Variants in ZNF461 observed in about 807,000 individuals in gnomAD.
The protein encoded by ZNF461 is zinc finger protein 461.
In ZNF461, 16 loss-of-function variants were observed where a neutral mutation model predicts 18.3. The observed-to-expected ratio is 0.88, with a 90% CI of 0.59 to 1.33. The LOEUF (loss-of-function observed/expected upper bound fraction) is 1.33. ZNF461 is among the 40% of genes most tolerant of loss of function. The pLI is 0.00. For missense variants in ZNF461, 595 were observed against 669.9 expected, an observed-to-expected ratio of 0.89 and a Z score of 1.23; for synonymous variants, 179 against 216.9, an observed-to-expected ratio of 0.83 and a Z score of 1.54.
At chr19:36,653,984 C>A (rs2037672666) in intron 4 of ZNF461, among the ~76,000 whole-genome samples, 1 of 152,026 alleles carries the variant, frequency 6.6e-6, no homozygotes. Flanking sequence ...CTGGTGAAAT[C>A]TGAGTAAGTT....
At position 36,636,715 on chromosome 19, in the gene ZNF461, A is replaced by T. The variant is rs2037298380; in HGVS notation, c.*1938T>A. 1.3e-5 allele frequency among the ~76,000 whole-genome samples: 2 copies of T among 152,226 alleles called. No individual in the cohort carries two copies. The highest frequency in any genetic ancestry group is 2.9e-5 in the Non-Finnish European group (2 of 68,044). ...TCCACACTATTTATTGAGTACAATC[A>T]CTTAGATCTAAGAAGCAGATGTTCA... On this transcript the variant is annotated 3_prime_UTR_variant, in exon 6 of 6. Coordinates refer to ENST00000588268, the MANE Select transcript of ZNF461 (RefSeq NM_153257.5).
rs1444939069 is a variant in ZNF461, at chr19:36,641,898, T to C, written c.302-1855A>G. 4.6e-5 allele frequency among the ~76,000 whole-genome samples: 7 copies of C among 151,874 alleles called. 1 individual carries two copies. The highest frequency in any genetic ancestry group is 2.6e-4 in the Admixed American group (4 of 15,222). On this transcript the variant is annotated intron_variant, in intron 5 of 5. Coordinates refer to ENST00000588268, the MANE Select transcript of ZNF461 (RefSeq NM_153257.5). ...CTGAGTGGCTTAAAACAGTAAGTCA[T>C]TTATTATTATTATTACTATTGCTGT...
chr19:36,639,711 T>G lies in ZNF461; in HGVS notation c.634A>C (p.Arg212=). ...TCAGAAAGTTCTTTAGAATGAGTTCTTTTGTGGTGACTAAAAAATAAATGG... is the reference window on the plus strand; with the variant it reads ...TCAGAAAGTTCTTTAGAATGAGTTCGTTTGTGGTGACTAAAAAATAAATGG... ...SYHLFFSHHK[R]THSKELSECK... is the part of the protein sequence containing the mutation. The change falls in exon 6 of 6, where the codon AGA becomes CGA. Residue 212 remains arginine, a synonymous_variant. Transcript: ENST00000588268. 6.2e-7 allele frequency: 1 copy of G among 1,613,610 alleles called. No homozygotes were observed. Among genetic ancestry groups the G allele is most frequent in the Non-Finnish European group, 8.5e-7 (1 of 1,179,620 alleles).
intron 2 of ZNF461, among the ~76,000 whole-genome samples, chr19:36,659,230 T>C (rs1359031622): frequency 6.6e-6 from 1 of 152,162 alleles, no homozygotes; most frequent in Admixed American, 6.5e-5. Context: ...GGAACTATCT[T>C]GAAAGTGGGT....
chr19:36,654,366 C>CTTGATTGA (rs74174424), intron 4 of ZNF461, among the ~76,000 whole-genome samples: 3 of 151,892 alleles, frequency 2.0e-5, no homozygotes, highest in Non-Finnish European at 4.4e-5. Flanking sequence ...TTCTGTAGCA[C>CTTGATTGA]TTGATTGATT....
intron 4 of ZNF461, among the ~76,000 whole-genome samples, chr19:36,655,138 C>G (rs960410950): frequency 3.9e-5 from 6 of 152,102 alleles, no homozygotes; most frequent in Admixed American, 2.0e-4. Context: ...CAGGCATGTA[C>G]CACCATGCCT....
Position 36,639,327 on chromosome 19 carries a change from GAAT to G in ZNF461, c.1015_1017del (p.Ile339del). Reference sequence around the variant, plus strand: ...AGGTGTTCAGTAAGTTGAAAGCCACGAATAAAAGCCTTCCCACATTGCTTACAT... The same window carrying G: ...AGGTGTTCAGTAAGTTGAAAGCCACGAAAAGCCTTCCCACATTGCTTACAT... On this transcript the variant is annotated inframe_deletion, in exon 6 of 6. Transcript: ENST00000588268. 6.2e-7 allele frequency: 1 copy of G among 1,613,234 alleles called. No homozygotes were observed. Among genetic ancestry groups the G allele is most frequent in the Non-Finnish European group, 8.5e-7 (1 of 1,179,838 alleles).
At chr19:36,640,925 G>T (rs1194034417) in intron 5 of ZNF461, among the ~76,000 whole-genome samples, 1 of 152,180 alleles carries the variant, frequency 6.6e-6, no homozygotes, top group East Asian at 1.9e-4. Context: ...CTAGGCATGA[G>T]AATATAGGGC....
intron 5 of ZNF461, 45 bp from the exon 6 acceptor site, chr19:36,640,088 A>G: frequency 6.8e-7 from 1 of 1,475,402 alleles, no homozygotes; most frequent in Non-Finnish European, 9.1e-7. Flanking sequence ...TTGTACTATA[A>G]GAGAAATAAA....
rs1345039962 is a variant in ZNF461 at position 36,648,798 on chromosome 19, C to T, written c.233-4936G>A. On this transcript the variant is annotated intron_variant, in intron 4 of 5. Transcript: ENST00000588268. ...GTTTCGCCATGTTGGCCAGGCTGATCGCGAACTCCTAACCTCAAGTGATCC... is the reference window on the plus strand; with the variant it reads ...GTTTCGCCATGTTGGCCAGGCTGATTGCGAACTCCTAACCTCAAGTGATCC... Among the ~76,000 whole-genome samples the T allele has an allele frequency of 2.0e-5, 3 of 152,204 alleles. No homozygotes were observed. The East Asian group carries it at 5.8e-4, about 29-fold the overall frequency.
At chr19:36,666,301 C>T (rs914054521) in intron 1 of ZNF461, among the ~76,000 whole-genome samples, 7 of 151,926 alleles carry the variant, frequency 4.6e-5, no homozygotes, top group African/African-American at 1.7e-4. Context: ...TCCACGTTGG[C>T]CAGGCTGGTA....
chr19:36,661,048 G>A (rs903684385), intron 2 of ZNF461, among the ~76,000 whole-genome samples: 4 of 152,128 alleles, frequency 2.6e-5, no homozygotes, highest in African/African-American at 9.7e-5. Context: ...CTGCAGGGAG[G>A]CAGGATTGCT....
chr19:36,644,430 G>A (rs1293784746), intron 4 of ZNF461, among the ~76,000 whole-genome samples: 1 of 150,946 alleles, frequency 6.6e-6, no homozygotes, highest in South Asian at 2.1e-4. Context: ...CACCGCATCT[G>A]GCTAATTTTT....
At chr19:36,656,144 C>T (rs1307080756) in intron 4 of ZNF461, among the ~76,000 whole-genome samples, 2 of 151,796 alleles carry the variant, frequency 1.3e-5, no homozygotes, top group African/African-American at 2.4e-5. Flanking sequence ...ACTACAGGCG[C>T]CCACCACTGC....
At chr19:36,644,667 C>A (rs2037492223) in intron 4 of ZNF461, among the ~76,000 whole-genome samples, 1 of 151,974 alleles carries the variant, frequency 6.6e-6, no homozygotes, top group Non-Finnish European at 1.5e-5. Flanking sequence ...GCAATCTCGG[C>A]TCACTGCGGC....
At chr19:36,650,882 C>T (rs1288843853) in intron 4 of ZNF461, among the ~76,000 whole-genome samples, 1 of 147,136 alleles carries the variant, frequency 6.8e-6, no homozygotes, top group East Asian at 2.0e-4. Flanking sequence ...AAAAAAACCT[C>T]CCAGAGCATT....
rs2145358116 is a variant in ZNF461 at position 36,639,192 on chromosome 19, A to T, written c.1153T>A (p.Tyr385Asn). The T allele has an allele frequency of 6.2e-7, 1 of 1,614,048 alleles. No individual in the cohort carries two copies. Among genetic ancestry groups the T allele is most frequent in the Non-Finnish European group, 8.5e-7 (1 of 1,179,994 alleles). ...GCCTTCCCACATTCCCGACATTCAT[A>T]GGGTTTCTCACCAGTATGAATTCTC... ...HQRIHTGEKP[Y>N]ECRECGKAFS... The change falls in exon 6 of 6, where the codon TAT becomes AAT. Residue 385 changes from tyrosine (Y) to asparagine (N), a missense_variant. By Grantham distance (143) the Tyr-to-Asn change is moderately radical. Coordinates refer to ENST00000588268, the MANE Select transcript of ZNF461 (RefSeq NM_153257.5).
At chr19:36,641,515 C>T (rs1366059456) in intron 5 of ZNF461, among the ~76,000 whole-genome samples, 1 of 150,320 alleles carries the variant, frequency 6.7e-6, no homozygotes, top group Non-Finnish European at 1.5e-5. Flanking sequence ...AAGACTGTCT[C>T]AGAAACAAAC....
rs552751221 is a variant in ZNF461 at position 36,663,819 on chromosome 19, C to T, written c.9+879G>A. On this transcript the variant is annotated intron_variant, in intron 2 of 5. Transcript: ENST00000588268. ...TGCTAGAATTACTGGCGTGAGTCAC[C>T]GTGCCTGGCTTTTATCATGTGATTA... Among the ~76,000 whole-genome samples, 11 of 152,176 alleles carry T rather than the reference C, an allele frequency of 7.2e-5. No homozygotes were observed. The East Asian group carries it at 9.7e-4, about 13-fold the overall frequency.
Sources: allele counts gnomAD v4.1 joint callset (sites outside exome capture counted in the v4.1 genomes callset), GRCh38; gene constraint gnomAD v4.1.1; transcripts MANE v1.5; gene names NCBI Gene and HGNC (gene_info 2026-07-23, HGNC 2026-07-21).